Variants in BRSK2 observed in about 807,000 individuals in gnomAD.
The protein encoded by BRSK2 is BR serine/threonine kinase 2.
A neutral mutation model predicts 83.3 loss-of-function variants in BRSK2; 19 were observed. That is an observed-to-expected ratio of 0.23 (90% CI 0.16 to 0.33). The LOEUF is 0.33. Among genes scored for constraint, BRSK2 ranks in the 10% least tolerant of loss-of-function variants. The pLI is 1.00. For synonymous variants in BRSK2, 519 were observed against 435.4 expected (o/e 1.19, Z -2.39); for missense variants, 798 against 1,042.3 (o/e 0.77, Z 3.23).
At chr11:1,446,067 GCTT>G (rs201040238) in intron 12 of BRSK2, among the ~76,000 whole-genome samples, 160 bp downstream of exon 12, 48 of 141,674 alleles carry the variant, frequency 3.4e-4, no homozygotes, top group African/African-American at 1.1e-3. Context: ...GCTGGGCTGG[GCTT>G]GGCTGGGCTG....
intron 8 of BRSK2, among the ~76,000 whole-genome samples, chr11:1,444,131 TAA>T (rs1468468179): frequency 1.3e-5 from 2 of 152,032 alleles, no homozygotes; most frequent in Non-Finnish European, 2.9e-5. Context: ...GACCTGGCTA[TAA>T]GTTACACAAA....
At chr11:1,401,225 C>G (rs1161553753) in intron 1 of BRSK2, among the ~76,000 whole-genome samples, 1 of 152,250 alleles carries the variant, frequency 6.6e-6, no homozygotes, top group Non-Finnish European at 1.5e-5. Flanking sequence ...CCTGTGTCCT[C>G]AGCACATGCC....
intron 13 of BRSK2, 93 bp downstream of exon 13, chr11:1,449,929 C>G: frequency 1.1e-6 from 1 of 903,600 alleles, no homozygotes; most frequent in Non-Finnish European, 1.7e-6. Flanking sequence ...CCTCGCGGAC[C>G]CTGGGAAGCA....
intron 1 of BRSK2, among the ~76,000 whole-genome samples, chr11:1,414,733 C>T (rs892984397): frequency 1.6e-4 from 24 of 152,354 alleles, no homozygotes; most frequent in African/African-American, 5.1e-4. Flanking sequence ...CCCTGCGCCA[C>T]ACGTTCTCTT....
rs1408712455 is a variant in BRSK2 at position 1,446,134 on chromosome 11, G to A, written c.1226+227G>A. 2.7e-5 allele frequency among the ~76,000 whole-genome samples: 4 copies of A among 146,768 alleles called. No homozygotes were observed. The East Asian group carries it at 8.4e-4, about 31-fold the overall frequency. ...TGGGAGCTGAGCTGGGCTGGGCTGT[G>A]CTGGACTGGACTGGGCTAGGCTGAG... On this transcript the variant is annotated intron_variant, in intron 12 of 19. Coordinates refer to ENST00000528841, the MANE Select transcript of BRSK2 (RefSeq NM_001256627.2).
intron 3 of BRSK2, among the ~76,000 whole-genome samples, chr11:1,440,120 C>G (rs1321652086): frequency 6.6e-6 from 1 of 152,198 alleles, no homozygotes; most frequent in African/African-American, 2.4e-5. Context: ...GCTGGTTCAG[C>G]CTGGGTGGAG....
rs1554914643 is a variant in BRSK2 at position 1,454,158 on chromosome 11, G to GGGGGGGCTCACCTCT, written c.1545-314_1545-313insCTGGGGGGCTCACCT. ...CCACCTCTCACAGCGGCCTTGGTGA[G>GGGGGGGCTCACCTCT]GGGGGGCTCACCTGTGGGGGGCTCA... is the stretch of plus-strand genomic sequence containing the variant. On this transcript the variant is annotated intron_variant, in intron 15 of 19. Transcript: ENST00000528841. This position sits in a 1 kb window ranked among gnomAD's most constrained non-coding sequence, Gnocchi z 5.2. The GGGGGGGCTCACCTCT allele has an allele frequency of 6.0e-4, 106 of 178,146 alleles. 1 individual carries two copies. The highest frequency in any genetic ancestry group is 2.5e-3 in the African/African-American group (97 of 38,988). The allele number at this position is 178,146 out of a possible 1,614,324, so 11.0% of individuals were successfully genotyped here. A position where few individuals can be genotyped will look rare whatever the true frequency, so the allele number is the denominator to read the frequency against.
intron 5 of BRSK2, 31 bp downstream of exon 5, chr11:1,442,637 G>T (rs1174808638): frequency 5.8e-6 from 9 of 1,554,290 alleles, no homozygotes; most frequent in South Asian, 1.1e-5. Flanking sequence ...GAGAGAGGCT[G>T]GGGGACAGGC....
At chr11:1,417,712 G>C (rs1239527594) in intron 1 of BRSK2, among the ~76,000 whole-genome samples, 1 of 133,844 alleles carries the variant, frequency 7.5e-6, no homozygotes, top group African/African-American at 2.8e-5. Flanking sequence ...CTTGAGAGTG[G>C]GTCACACTGT....
At chr11:1,458,614 C>T (rs1846965427) in intron 18 of BRSK2, among the ~76,000 whole-genome samples, 1 of 152,194 alleles carries the variant, frequency 6.6e-6, no homozygotes, top group Non-Finnish European at 1.5e-5. Context: ...TGAGCAGGCA[C>T]AGGCAGACCA....
In BRSK2 at chr11:1,451,469, G is replaced by T. The variant is rs200352902; in HGVS notation, c.1544+50G>T. ...CCTGGTACCTGACACCAGGCTGGCC[G>T]GGAGAGGGGCATGGAACCCTTCCCC... On this transcript the variant is annotated intron_variant, in intron 15 of 19. Transcript: ENST00000528841. The T allele has an allele frequency of 1.9e-5, 30 of 1,590,604 alleles. No individual in the cohort carries two copies. The South Asian group carries it at 2.0e-4, about 11-fold the overall frequency.
At chr11:1,445,692 A>G (rs1314247477) in intron 11 of BRSK2, 24 bp downstream of exon 11, 1 of 1,611,222 alleles carries the variant, frequency 6.2e-7, no homozygotes, top group African/African-American at 1.3e-5. Context: ...GGTGGCCTCC[A>G]GCCCGGCCTG....
chr11:1,462,460 A>G lies in BRSK2; in HGVS notation c.*1737A>G, dbSNP rs1847608390. The G allele has an allele frequency of 6.6e-6, 1 of 152,288 alleles. No individual in the cohort carries two copies. The highest frequency in any genetic ancestry group is 1.5e-5 in the Non-Finnish European group (1 of 68,080). The allele number at this position is 152,288 out of a possible 1,614,324, so 9.4% of individuals were successfully genotyped here. ...GGCTGGGATTTCTATACATAAGAAC[A>G]AAAGCAAACACCTAGGACAGCAAAC... is the stretch of plus-strand genomic sequence containing the variant. On this transcript the variant is annotated 3_prime_UTR_variant, in exon 20 of 20. Transcript: ENST00000528841.
At chr11:1,403,701 T>A (rs1846643613) in intron 1 of BRSK2, among the ~76,000 whole-genome samples, 1 of 152,200 alleles carries the variant, frequency 6.6e-6, no homozygotes, top group Non-Finnish European at 1.5e-5. Flanking sequence ...TTGTGGCACC[T>A]GGTGCACTGA....
chr11:1,448,533 C>G, intron 12 of BRSK2, among the ~76,000 whole-genome samples: 1 of 152,220 alleles, frequency 6.6e-6, no homozygotes, highest in East Asian at 1.9e-4. Flanking sequence ...GACCAGGGCT[C>G]GGCCCCTCCA....
At chr11:1,407,872 T>C (rs1847010610) in intron 1 of BRSK2, among the ~76,000 whole-genome samples, 1 of 152,166 alleles carries the variant, frequency 6.6e-6, no homozygotes, top group African/African-American at 2.4e-5. Context: ...TGCTGCTCCA[T>C]TTGCCCAGTG....
rs1398232793 is a variant in BRSK2, at chr11:1,446,087, GCTT to G, written c.1226+181_1226+183del. 2.0e-3 allele frequency among the ~76,000 whole-genome samples: 287 copies of G among 141,088 alleles called. 1 individual carries two copies. Among genetic ancestry groups the G allele is most frequent in the African/African-American group, 8.0e-3 (274 of 34,056 alleles). The allele number at this position is 141,088 out of a possible 152,430, so 92.6% of individuals were successfully genotyped here. On this transcript the variant is annotated intron_variant, in intron 12 of 19. Coordinates refer to ENST00000528841, the MANE Select transcript of BRSK2 (RefSeq NM_001256627.2). ...GCTGGGCTTGGCTGGGCTGGGCTGG[GCTT>G]AGCTGGGCTGGGCTGGGCTGGGAGC...
intron 1 of BRSK2, among the ~76,000 whole-genome samples, chr11:1,420,402 C>T (rs901576549): frequency 1.4e-4 from 21 of 152,214 alleles, no homozygotes; most frequent in African/African-American, 5.1e-4. Flanking sequence ...CTCTGGCTAA[C>T]AGACATTTTC....
intron 1 of BRSK2, among the ~76,000 whole-genome samples, chr11:1,398,086 G>C (rs575770700): frequency 1.4e-5 from 2 of 139,838 alleles, no homozygotes; most frequent in African/African-American, 2.5e-5. Flanking sequence ...GGTGGTTTGC[G>C]GGGGCACAGG....
Sources: allele counts gnomAD v4.1 joint callset (sites outside exome capture counted in the v4.1 genomes callset), GRCh38; gene constraint gnomAD v4.1.1; non-coding constraint Gnocchi (gnomAD v3.1); transcripts MANE v1.5; gene names NCBI Gene and HGNC (gene_info 2026-07-23, HGNC 2026-07-21).